Variants in TRIP12 observed in about 807,000 individuals in gnomAD.
The protein encoded by TRIP12 is thyroid hormone receptor interactor 12.
TRIP12 carries 25 observed loss-of-function variants against 244.2 expected under a neutral mutation model. That is an observed-to-expected ratio of 0.10 (90% confidence interval 0.07 to 0.14). TRIP12 has a LOEUF of 0.14. Among genes scored for constraint, TRIP12 ranks in the 10% least tolerant of loss-of-function variants. The pLI, the probability that TRIP12 is intolerant of heterozygous loss-of-function variation, is 1.00. For missense variants in TRIP12, 1,677 were observed against 2,486.4 expected, an observed-to-expected ratio of 0.67 and a Z score of 6.92; for synonymous variants, 905 against 873.1, an observed-to-expected ratio of 1.04 and a Z score of -0.64.
intron 4 of TRIP12, among the ~76,000 whole-genome samples, chr2:229,847,323 A>C (rs1484122724): frequency 6.6e-6 from 1 of 152,228 alleles, no homozygotes; most frequent in Non-Finnish European, 1.5e-5. Context: ...TCAAATGTCT[A>C]TTTCAGAGCC....
intron 1 of TRIP12, among the ~76,000 whole-genome samples, chr2:229,892,187 T>C (rs982908023): frequency 1.3e-5 from 2 of 151,624 alleles, no homozygotes; most frequent in South Asian, 2.1e-4. Context: ...AGGAGAAAAA[T>C]AGGAAGGAGT....
chr2:229,867,163 G>GT (rs2061673038), intron 2 of TRIP12, among the ~76,000 whole-genome samples: 3 of 47,572 alleles, frequency 6.3e-5, no homozygotes, highest in Admixed American at 3.9e-4. Context: ...TTTTTTGTTT[G>GT]TTTGTTTGTT....
At chr2:229,830,292 T>C (rs2052992923) in intron 7 of TRIP12, among the ~76,000 whole-genome samples, 2 of 152,196 alleles carry the variant, frequency 1.3e-5, no homozygotes, top group Admixed American at 1.3e-4. Context: ...TTTTTTGAAT[T>C]TTTGCATGAG....
chr2:229,882,612 G>A (rs936436157), intron 1 of TRIP12, among the ~76,000 whole-genome samples: 2 of 152,114 alleles, frequency 1.3e-5, no homozygotes, highest in African/African-American at 4.8e-5. Context: ...ATTTCACCTG[G>A]ACCCAAACAG....
At chr2:229,840,726 CA>C (rs1269456946) in intron 5 of TRIP12, 95 bp downstream of exon 5, 5 of 910,452 alleles carry the variant, frequency 5.5e-6, no homozygotes, top group Non-Finnish European at 8.1e-6. Flanking sequence ...ACAAACAAAA[CA>C]AAAAACAACC....
At chr2:229,811,094 T>C in intron 14 of TRIP12, 42 bp downstream of exon 14, 1 of 1,613,558 alleles carries the variant, frequency 6.2e-7, no homozygotes, top group South Asian at 1.1e-5. Flanking sequence ...ATTCAGCAAT[T>C]CAACAACCTC....
At chr2:229,840,772 G>T in intron 5 of TRIP12, 50 bp downstream of exon 5, 2 of 1,232,452 alleles carry the variant, frequency 1.6e-6, no homozygotes, top group South Asian at 1.4e-5. Flanking sequence ...AGTTGAAATT[G>T]AGCAACAGAA....
At chr2:229,795,861 T>C (rs752159714) in intron 25 of TRIP12, among the ~76,000 whole-genome samples, 4 of 152,212 alleles carry the variant, frequency 2.6e-5, no homozygotes, top group African/African-American at 9.7e-5. Context: ...AATACTAACT[T>C]TGCTTTAGGT....
chr2:229,810,633 T>C (rs754603041), intron 15 of TRIP12, among the ~76,000 whole-genome samples: 1 of 152,188 alleles, frequency 6.6e-6, no homozygotes. Context: ...GCATAGATAT[T>C]AATGACTTTG....
At chr2:229,770,857 C>T (rs550532673) in intron 39 of TRIP12, among the ~76,000 whole-genome samples, 90 of 152,300 alleles carry the variant, frequency 5.9e-4, no homozygotes, top group African/African-American at 1.9e-3. Flanking sequence ...TTGTCTGCTG[C>T]CATGTGAGAT....
chr2:229,848,983 C>G (rs1421878580), intron 4 of TRIP12, among the ~76,000 whole-genome samples: 1 of 152,024 alleles, frequency 6.6e-6, no homozygotes, highest in Non-Finnish European at 1.5e-5. Flanking sequence ...AAATATTCCA[C>G]CAAAACAAGA....
At chr2:229,842,879 T>C (rs2056782635) in intron 4 of TRIP12, among the ~76,000 whole-genome samples, 1 of 152,250 alleles carries the variant, frequency 6.6e-6, no homozygotes, top group Admixed American at 6.5e-5. Context: ...TCTTTTACAC[T>C]GTCTTCAACT....
intron 21 of TRIP12, among the ~76,000 whole-genome samples, chr2:229,799,912 C>T (rs964835256): frequency 1.3e-5 from 2 of 152,176 alleles, no homozygotes; most frequent in African/African-American, 4.8e-5. Context: ...TTTAACTATA[C>T]TGAACTATGA....
intron 1 of TRIP12, among the ~76,000 whole-genome samples, chr2:229,915,467 C>T (rs987593713): frequency 1.3e-5 from 2 of 152,180 alleles, no homozygotes; most frequent in South Asian, 4.1e-4. Context: ...AAAAATAGGA[C>T]ATTAAGCCAT....
chr2:229,874,951 C>T (rs758241032), intron 2 of TRIP12, among the ~76,000 whole-genome samples: 1 of 152,176 alleles, frequency 6.6e-6, no homozygotes, highest in East Asian at 1.9e-4. Context: ...ATAATAAAAA[C>T]GCTACTGCAT....
At chr2:229,827,480 T>TA (rs1344150290) in intron 8 of TRIP12, among the ~76,000 whole-genome samples, 31 of 151,888 alleles carry the variant, frequency 2.0e-4, no homozygotes, top group Non-Finnish European at 3.5e-4. Flanking sequence ...TTATTATTAT[T>TA]TTTTTGGTTA....
At chr2:229,882,439 C>A (rs1190127972) in intron 1 of TRIP12, among the ~76,000 whole-genome samples, 2 of 152,084 alleles carry the variant, frequency 1.3e-5, no homozygotes, top group African/African-American at 4.8e-5. Flanking sequence ...GTCCCCTAAC[C>A]TCAGATCCTC....
At chr2:229,838,699 G>A (rs2055518968) in intron 5 of TRIP12, among the ~76,000 whole-genome samples, 1 of 152,064 alleles carries the variant, frequency 6.6e-6, no homozygotes, top group Non-Finnish European at 1.5e-5. Context: ...TCAAAATTTG[G>A]CCCAAAATAG....
chr2:229,863,369 T>C (rs1455884337), intron 2 of TRIP12, among the ~76,000 whole-genome samples: 1 of 151,908 alleles, frequency 6.6e-6, no homozygotes, highest in Non-Finnish European at 1.5e-5. Flanking sequence ...TACTTAACTG[T>C]CCCTTCTGCC....
Sources: gnomAD v4.1 joint callset for allele counts (sites outside exome capture counted in the v4.1 genomes callset) on GRCh38, gnomAD v4.1.1 for gene constraint, MANE v1.5 for transcripts, NCBI Gene and HGNC (gene_info 2026-07-23, HGNC 2026-07-21) for gene names.